Variants in PKNOX2 observed in about 807,000 individuals in gnomAD.
PKNOX2 encodes PBX/knotted 1 homeobox 2.
In PKNOX2, 14 loss-of-function variants were observed where a neutral mutation model predicts 53.1. The ratio of observed to expected loss-of-function variants is 0.26; its 90% CI spans 0.17 to 0.41. The LOEUF is 0.41. Ranked by LOEUF, PKNOX2 falls within the 10% of genes least tolerant of loss-of-function variation. PKNOX2 has a pLI of 1.00. For synonymous variants in PKNOX2, 257 were observed against 242.8 expected, an observed-to-expected ratio of 1.06 and a Z score of -0.54; for missense variants, 496 against 602.8, an observed-to-expected ratio of 0.82 and a Z score of 1.85.
chr11:125,221,913 A>C (rs1471103579), intron 1 of PKNOX2, among the ~76,000 whole-genome samples: 4 of 152,206 alleles, frequency 2.6e-5, no homozygotes, highest in Non-Finnish European at 4.4e-5. Context: ...CTGTAGAAGA[A>C]TCACTTGCTG....
chr11:125,180,802 C>A (rs550203077), intron 1 of PKNOX2, among the ~76,000 whole-genome samples: 4 of 152,310 alleles, frequency 2.6e-5, no homozygotes, highest in African/African-American at 9.6e-5. Context: ...GGCCACCTTG[C>A]GGGATGTTGG....
At position 125,293,789 on chromosome 11, in the gene PKNOX2, TCA is replaced by T. The variant is rs1018337701; in HGVS notation, c.-129-38020_-129-38019del. Among the ~76,000 whole-genome samples the T allele has an allele frequency of 8.6e-4, 128 of 149,684 alleles. 2 individuals carry two copies. The East Asian group carries it at 0.021, about 24-fold the overall frequency. ...CACTCACATACTGACACAGACACGC[TCA>T]CACACACACGCTCACACACACTCAC... On this transcript the variant is annotated intron_variant, in intron 2 of 12. Transcript: ENST00000298282.
intron 2 of PKNOX2, among the ~76,000 whole-genome samples, chr11:125,248,357 T>C (rs1943716801): frequency 6.6e-6 from 1 of 152,178 alleles, no homozygotes; most frequent in Non-Finnish European, 1.5e-5. Flanking sequence ...GAATTACTTT[T>C]GCACAGCAGC....
At chr11:125,219,212 T>C (rs566562715) in intron 1 of PKNOX2, among the ~76,000 whole-genome samples, 3 of 152,006 alleles carry the variant, frequency 2.0e-5, no homozygotes, top group Non-Finnish European at 4.4e-5. Flanking sequence ...GGCAAGCAGA[T>C]CATCTGAGGT....
At chr11:125,389,586 A>T (rs1235264397) in intron 6 of PKNOX2, among the ~76,000 whole-genome samples, 3 of 152,154 alleles carry the variant, frequency 2.0e-5, no homozygotes, top group Non-Finnish European at 4.4e-5. Context: ...GGGCCCACAG[A>T]TCCCCTCCTT....
At chr11:125,308,335 A>G (rs1948594488) in intron 2 of PKNOX2, among the ~76,000 whole-genome samples, 1 of 152,120 alleles carries the variant, frequency 6.6e-6, no homozygotes, top group Admixed American at 6.6e-5. Flanking sequence ...CACCCCCAAG[A>G]ATGGCAGCAC....
In PKNOX2 at chr11:125,178,690, G is replaced by A. The variant is rs1372857740; in HGVS notation, c.-201+13914G>A. Reference sequence around the variant, plus strand: ...GGAAGGAAAGAAAGAGAGAGAGAGAGAGAGAGAGAAAGAAAGAAAGAAAGA... The same window carrying A: ...GGAAGGAAAGAAAGAGAGAGAGAGAAAGAGAGAGAAAGAAAGAAAGAAAGA... On this transcript the variant is annotated intron_variant, in intron 1 of 12. Transcript: ENST00000298282. Among the ~76,000 whole-genome samples the A allele has an allele frequency of 4.7e-3, 629 of 133,000 alleles. 57 individuals carry two copies. Among genetic ancestry groups the A allele is most frequent in the African/African-American group, 0.018 (597 of 32,426 alleles). The allele number at this position is 133,000 out of a possible 152,430, so 87.3% of individuals were successfully genotyped here. A position where few individuals can be genotyped will look rare whatever the true frequency, so the allele number is the denominator to read the frequency against.
At chr11:125,407,437 G>T (rs1032851267) in intron 7 of PKNOX2, among the ~76,000 whole-genome samples, 2 of 152,194 alleles carry the variant, frequency 1.3e-5, no homozygotes, top group African/African-American at 4.8e-5. Context: ...ACCTTGTTGG[G>T]TACTTTTTTG....
rs1344752085 is a variant in PKNOX2 at position 125,404,095 on chromosome 11, G to A, written c.588+6033G>A. On this transcript the variant is annotated intron_variant, in intron 7 of 12. Coordinates refer to ENST00000298282, the MANE Select transcript of PKNOX2 (RefSeq NM_001382323.2). The stretch of plus-strand genomic sequence containing the variant: ...TAAGCATCCTGAGGACAGGACCAGG[G>A]AGAAGACTGGATGGGGCTGGGGTAG... Among the ~76,000 whole-genome samples, 5 of 152,146 alleles carry A rather than the reference G, an allele frequency of 3.3e-5. No homozygotes were observed. The East Asian group carries it at 9.7e-4, about 29-fold the overall frequency.
chr11:125,427,187 GC>G (rs1956473855), intron 10 of PKNOX2, among the ~76,000 whole-genome samples: 2 of 152,326 alleles, frequency 1.3e-5, no homozygotes, highest in South Asian at 4.1e-4. Context: ...CAGAGTCCTT[GC>G]CTCTCTGCCC....
rs545076710 is a variant in PKNOX2 at position 125,222,733 on chromosome 11, GTGTGTC to G, written c.-200-12300_-200-12295del. ...GCTGTGTATGTGTGTGTGTATGTGT[GTGTGTC>G]TGTGTCTGTGTGCCTGTGTATGTGT... On this transcript the variant is annotated intron_variant, in intron 1 of 12. Coordinates refer to ENST00000298282, the MANE Select transcript of PKNOX2 (RefSeq NM_001382323.2). Among the ~76,000 whole-genome samples the G allele has an allele frequency of 2.0e-4, 30 of 150,560 alleles. No homozygotes were observed. The South Asian group carries it at 2.3e-3, about 12-fold the overall frequency.
intron 10 of PKNOX2, among the ~76,000 whole-genome samples, chr11:125,414,526 A>G (rs1955766094): frequency 6.6e-6 from 1 of 152,156 alleles, no homozygotes; most frequent in African/African-American, 2.4e-5. Flanking sequence ...CTCTAGGGAA[A>G]CAAGCAGACC....
At chr11:125,411,489 TC>T in intron 9 of PKNOX2, 3 of 442,544 alleles carry the variant, frequency 6.8e-6, no homozygotes, top group Non-Finnish European at 1.3e-5. Context: ...TCTCTCTCTC[TC>T]TCTCTCTCTC....
chr11:125,296,005 T>TGGG (rs1199087910), intron 2 of PKNOX2, among the ~76,000 whole-genome samples: 1 of 152,128 alleles, frequency 6.6e-6, no homozygotes, highest in Non-Finnish European at 1.5e-5. Context: ...TTAAATAAGG[T>TGGG]GGGGTCCCCC....
At chr11:125,313,289 T>A (rs1948945136) in intron 2 of PKNOX2, among the ~76,000 whole-genome samples, 1 of 151,978 alleles carries the variant, frequency 6.6e-6, no homozygotes, top group African/African-American at 2.4e-5. Context: ...GCTGCTGGAG[T>A]CCCTAATGGG....
At chr11:125,400,166 G>GT (rs1466213700) in intron 7 of PKNOX2, among the ~76,000 whole-genome samples, 2 of 152,174 alleles carry the variant, frequency 1.3e-5, no homozygotes, top group Non-Finnish European at 2.9e-5. Flanking sequence ...CGTGGTGGGT[G>GT]TGGGGGAGGG....
chr11:125,164,869 C>T, intron 1 of PKNOX2, 93 bp downstream of exon 1: 1 of 171,372 alleles, frequency 5.8e-6, no homozygotes, highest in Non-Finnish European at 1.2e-5. Flanking sequence ...TGCCTCAGAG[C>T]GCGTGTGTTT....
chr11:125,318,209 T>C (rs1430323116), intron 2 of PKNOX2, among the ~76,000 whole-genome samples: 2 of 151,924 alleles, frequency 1.3e-5, no homozygotes, highest in African/African-American at 4.8e-5. Context: ...TGGGTTCAAG[T>C]GATTATCCTG....
intron 2 of PKNOX2, among the ~76,000 whole-genome samples, chr11:125,246,843 T>C (rs1234435011): frequency 6.6e-6 from 1 of 152,180 alleles, no homozygotes; most frequent in East Asian, 1.9e-4. Flanking sequence ...GCTGTGGAGA[T>C]GAGGATGGGC....
Sources: allele counts gnomAD v4.1 joint callset (sites outside exome capture counted in the v4.1 genomes callset), GRCh38; gene constraint gnomAD v4.1.1; transcripts MANE v1.5; gene names NCBI Gene and HGNC (gene_info 2026-07-23, HGNC 2026-07-21).